DYNC2H1: variants seen among roughly 807,000 people sequenced by gnomAD.
DYNC2H1 encodes dynein cytoplasmic 2 heavy chain 1, also known as cytoplasmic dynein 2 heavy chain 1.
DYNC2H1 carries 410 observed loss-of-function variants against 570.0 expected under a neutral mutation model. The ratio of observed to expected loss-of-function variants is 0.72; its 90% CI spans 0.66 to 0.78. DYNC2H1 has a LOEUF of 0.78. Among genes scored for constraint, DYNC2H1 ranks in the 30% least tolerant of loss-of-function variants. The pLI, the probability that DYNC2H1 is intolerant of heterozygous loss-of-function variation, is 0.00. For synonymous variants in DYNC2H1, 1,688 were observed against 1,677.6 expected (o/e 1.01, Z -0.15); for missense variants, 4,865 against 5,046.4 (o/e 0.96, Z 1.09).
At chr11:103,238,609 A>G (rs1864311359) in intron 63 of DYNC2H1, among the ~76,000 whole-genome samples, 1 of 151,780 alleles carries the variant, frequency 6.6e-6, no homozygotes, top group Admixed American at 6.6e-5. Flanking sequence ...ACACACCCCA[A>G]TGCTAAAGCT....
intron 70 of DYNC2H1, among the ~76,000 whole-genome samples, chr11:103,276,320 G>A (rs78790701): frequency 0.038 from 5,723 of 152,044 alleles, 364 homozygotes; most frequent in African/African-American, 0.13. Context: ...TTCATTGTAT[G>A]TATGTTTTGT....
chr11:103,400,851 CTTT>C (rs1942608198), intron 84 of DYNC2H1, among the ~76,000 whole-genome samples: 1 of 151,982 alleles, frequency 6.6e-6, no homozygotes, highest in Non-Finnish European at 1.5e-5. Flanking sequence ...TCCTTGTCTT[CTTT>C]TTTATTTTAC....
At position 103,204,870 on chromosome 11, in the gene DYNC2H1, C is replaced by T; in HGVS notation, c.8360C>T (p.Ser2787Leu). 1 of 1,590,026 alleles carries T rather than the reference C, an allele frequency of 6.3e-7. No homozygotes were observed. The highest frequency in any genetic ancestry group is 1.1e-5 in the South Asian group (1 of 87,528). The stretch of plus-strand genomic sequence containing the variant: ...GTCTTGATAATGGATTCTGCAAATT[C>T]AAACTTCATGATAAACTGTGAGAGT... Reference protein sequence around the residue: ...HIVLIMDSANSNFMINCESNP... With the variant: ...HIVLIMDSANLNFMINCESNP... The change falls in exon 52 of 89, where the codon TCA (serine) becomes TTA (leucine). Residue 2787 changes from serine to leucine, a missense_variant. By Grantham distance (145) the Ser-to-Leu change is moderately radical. Coordinates refer to ENST00000375735, the MANE Select transcript of DYNC2H1 (RefSeq NM_001377.3). The surrounding 1 kb of genome is among the most constrained non-coding windows in gnomAD (Gnocchi z 4.1).
chr11:103,371,114 ATAAT>A (rs1292708180), intron 83 of DYNC2H1, among the ~76,000 whole-genome samples: 3 of 152,136 alleles, frequency 2.0e-5, no homozygotes, highest in Admixed American at 6.6e-5. Context: ...AGAGATTGAA[ATAAT>A]TAAAAAGAAT....
rs1213184384 is a variant in DYNC2H1, at chr11:103,157,164, G to A, written c.4127+394G>A. 6.6e-6 allele frequency among the ~76,000 whole-genome samples: 1 copy of A among 152,110 alleles called. No homozygotes were observed. The highest frequency in any genetic ancestry group is 1.5e-5 in the Non-Finnish European group (1 of 68,014). Reference sequence around the variant, plus strand: ...TTCGTCCTCTCTTGGTTTTCTGACTGTCTCTCTAGTTCAACACATAGTTCC... The same window carrying A: ...TTCGTCCTCTCTTGGTTTTCTGACTATCTCTCTAGTTCAACACATAGTTCC... On this transcript the variant is annotated intron_variant, in intron 26 of 88. Coordinates refer to ENST00000375735, the MANE Select transcript of DYNC2H1 (RefSeq NM_001377.3). The surrounding 1 kb of genome is among the most constrained non-coding windows in gnomAD (Gnocchi z 4.2).
intron 54 of DYNC2H1, 85 bp from the exon 55 acceptor site, chr11:103,215,636 T>G: frequency 7.5e-7 from 1 of 1,338,262 alleles, no homozygotes. Flanking sequence ...ACATGTTTGC[T>G]TGATTCTTTT....
chr11:103,285,568 G>A lies in DYNC2H1; in HGVS notation c.10891-687G>A, dbSNP rs622569. On this transcript the variant is annotated intron_variant, in intron 73 of 88. Transcript: ENST00000375735. ...CTCCCGAGTAGCTGTGATCACAGGC[G>A]CCCACCACCAGCCTGACTAATTTTT... Among the ~76,000 whole-genome samples, 8 of 151,154 alleles carry A rather than the reference G, an allele frequency of 5.3e-5. No homozygotes were observed. The South Asian group carries it at 1.3e-3, about 24-fold the overall frequency.
At position 103,286,359 on chromosome 11, in the gene DYNC2H1, T is replaced by C; in HGVS notation, c.10995T>C (p.Leu3665=). The change falls in exon 74 of 89, where the codon CTT becomes CTC. Residue 3665 remains leucine (L), a synonymous_variant. Coordinates refer to ENST00000375735, the MANE Select transcript of DYNC2H1 (RefSeq NM_001377.3). ...SMCEQEFPSI[L]AKKVSLFQQI... ...GTGAGCAAGAGTTTCCATCTATCCT[T>C]GCAAAGAAAGTTTCCTTATTTCAGC... 1 of 1,612,872 alleles carries C rather than the reference T, an allele frequency of 6.2e-7. No homozygotes were observed. Among genetic ancestry groups the C allele is most frequent in the Middle Eastern group, 1.7e-4 (1 of 6,056 alleles).
intron 84 of DYNC2H1, chr11:103,407,848 A>G (rs1942925274): frequency 6.6e-6 from 1 of 151,976 alleles, no homozygotes; most frequent in Non-Finnish European, 1.5e-5. Context: ...GCTAGGGGCC[A>G]TGATGGTAGG....
intron 40 of DYNC2H1, among the ~76,000 whole-genome samples, chr11:103,182,659 T>C (rs1455531344): frequency 1.3e-5 from 2 of 151,996 alleles, no homozygotes; most frequent in Non-Finnish European, 2.9e-5. Flanking sequence ...AAGTTTAGCA[T>C]GCAAAGAAGA....
intron 85 of DYNC2H1, among the ~76,000 whole-genome samples, chr11:103,436,517 G>A (rs1944065237): frequency 6.9e-6 from 1 of 145,158 alleles, no homozygotes; most frequent in African/African-American, 2.6e-5. Context: ...ATGCAAACAA[G>A]GTACCTTTGT....
chr11:103,348,946 A>C (rs1322137250), intron 82 of DYNC2H1, among the ~76,000 whole-genome samples: 1 of 152,066 alleles, frequency 6.6e-6, no homozygotes, highest in Admixed American at 6.5e-5. Context: ...CTCCTACTCC[A>C]TGTGAAGAAG....
chr11:103,429,876 C>T (rs532571150), intron 84 of DYNC2H1, among the ~76,000 whole-genome samples: 151 of 152,210 alleles, frequency 9.9e-4, no homozygotes, highest in Non-Finnish European at 1.2e-3. Context: ...TTTCACACAT[C>T]ATAAAAACCT....
chr11:103,413,444 T>C (rs1943165804), intron 84 of DYNC2H1, among the ~76,000 whole-genome samples: 2 of 152,324 alleles, frequency 1.3e-5, no homozygotes, highest in South Asian at 4.1e-4. Flanking sequence ...TTATGAAATT[T>C]GATACTCTCA....
intron 6 of DYNC2H1, among the ~76,000 whole-genome samples, chr11:103,118,704 G>A (rs1252905920): frequency 6.6e-6 from 1 of 152,092 alleles, no homozygotes; most frequent in Non-Finnish European, 1.5e-5. Flanking sequence ...ACTTGAATGA[G>A]GTTGCAGACA....
At chr11:103,167,265 A>G (rs1045115566) in intron 31 of DYNC2H1, among the ~76,000 whole-genome samples, 19 of 144,092 alleles carry the variant, frequency 1.3e-4, no homozygotes, top group African/African-American at 3.8e-4. Context: ...GCTTTAAAGT[A>G]TTTTTTTTTT....
intron 29 of DYNC2H1, among the ~76,000 whole-genome samples, chr11:103,162,019 C>A (rs757130843): frequency 1.3e-5 from 2 of 152,102 alleles, no homozygotes; most frequent in African/African-American, 4.8e-5. Context: ...GATTGAAAAC[C>A]TGGGAGATTT....
chr11:103,391,389 G>C (rs556731736), intron 83 of DYNC2H1, among the ~76,000 whole-genome samples: 10 of 152,268 alleles, frequency 6.6e-5, no homozygotes, highest in African/African-American at 2.4e-4. Flanking sequence ...ATTTTAGTTA[G>C]CCATTCATCT....
rs1457517314 is a variant in DYNC2H1 at position 103,280,687 on chromosome 11, G to T, written c.10761+274G>T. 6.6e-6 allele frequency among the ~76,000 whole-genome samples: 1 copy of T among 152,068 alleles called. No homozygotes were observed. The highest frequency in any genetic ancestry group is 1.5e-5 in the Non-Finnish European group (1 of 67,976). On this transcript the variant is annotated intron_variant, in intron 71 of 88. Coordinates refer to ENST00000375735, the MANE Select transcript of DYNC2H1 (RefSeq NM_001377.3). This position sits in a 1 kb window ranked among gnomAD's most constrained non-coding sequence, Gnocchi z 4.7. ...AGTTCACTTACTTAGGGCAACAGAA[G>T]AGTCAGCCTTCTTCTTTTCCCGGCC...
Sources: gnomAD v4.1 joint callset for allele counts (sites outside exome capture counted in the v4.1 genomes callset) on GRCh38, gnomAD v4.1.1 for gene constraint, Gnocchi (gnomAD v3.1) non-coding constraint, MANE v1.5 for transcripts, NCBI Gene and HGNC (gene_info 2026-07-23, HGNC 2026-07-21) for gene names.